KANK1: variants seen among roughly 807,000 people sequenced by gnomAD.
KANK1 encodes KN motif and ankyrin repeat domains 1.
A neutral mutation model predicts 106.2 loss-of-function variants in KANK1; 109 were observed. That is an observed-to-expected ratio of 1.03 (90% CI 0.88 to 1.20). The LOEUF (loss-of-function observed/expected upper bound fraction) is 1.20. KANK1 is among the 50% of genes most tolerant of loss of function. KANK1 has a pLI of 0.00. For missense variants in KANK1, 2,399 were observed against 1,710.7 expected (o/e 1.40, Z -7.10); for synonymous variants, 873 against 652.2 (o/e 1.34, Z -5.16).
At chr9:521,098 A>C (rs2059527903) in intron 1 of KANK1, among the ~76,000 whole-genome samples, 1 of 151,796 alleles carries the variant, frequency 6.6e-6, no homozygotes, top group African/African-American at 2.4e-5. Flanking sequence ...TGATGTTCTT[A>C]CTAGGAAATT....
intron 1 of KANK1, among the ~76,000 whole-genome samples, chr9:602,306 C>T (rs1299248091): frequency 1.3e-5 from 2 of 151,744 alleles, no homozygotes; most frequent in African/African-American, 4.9e-5. Flanking sequence ...TGTTGCCAGG[C>T]TGGTGTGCAG....
intron 3 of KANK1, among the ~76,000 whole-genome samples, chr9:497,430 T>TCA (rs112024846): frequency 0.032 from 4,820 of 150,810 alleles, 104 homozygotes; most frequent in Middle Eastern, 0.065. Context: ...ATGTGACTCT[T>TCA]CACACACACA....
chr9:712,733 G>C lies in KANK1; in HGVS notation c.1967G>C (p.Ser656Thr). 2 of 1,613,974 alleles carry C rather than the reference G, an allele frequency of 1.2e-6. No homozygotes were observed. The highest frequency in any genetic ancestry group is 1.7e-5 in the Admixed American group (1 of 59,986). Residue 656 changes from serine to threonine, a missense_variant, in exon 3 of 12, where the codon AGC (serine) becomes ACC (threonine). Coordinates refer to ENST00000382297, the MANE Select transcript of KANK1 (RefSeq NM_015158.5). ...ASRGVNTEAVSQVEAAVMAVP... is the reference protein window; with the variant it reads ...ASRGVNTEAVTQVEAAVMAVP... ...CGGGGCGTGAACACTGAGGCTGTTA[G>C]CCAGGTGGAAGCTGCCGTCATGGCA...
chr9:641,979 G>A (rs890686251), intron 1 of KANK1, among the ~76,000 whole-genome samples: 8 of 152,198 alleles, frequency 5.3e-5, no homozygotes, highest in Admixed American at 2.6e-4. Flanking sequence ...ATCAAAAGCC[G>A]ATTTCCTCCC....
exon 1 of KANK1, chr9:470,355 G>C (rs1370366666): frequency 6.6e-6 from 1 of 152,586 alleles, no homozygotes; most frequent in African/African-American, 2.4e-5. Context: ...CGAGTGGTTG[G>C]AAATTAGCAA....
intron 1 of KANK1, among the ~76,000 whole-genome samples, chr9:572,600 A>G (rs1357952449): frequency 6.6e-6 from 1 of 152,100 alleles, no homozygotes; most frequent in Non-Finnish European, 1.5e-5. Context: ...TATGTTGCCC[A>G]GGCTGGTCTT....
intron 1 of KANK1, among the ~76,000 whole-genome samples, chr9:621,165 C>T (rs528598727): frequency 1.6e-4 from 25 of 152,218 alleles, no homozygotes; most frequent in African/African-American, 6.0e-4. Flanking sequence ...AAAAATTTTT[C>T]TTTGGGGCCT....
intron 1 of KANK1, among the ~76,000 whole-genome samples, chr9:640,486 C>G (rs1838168681): frequency 6.6e-6 from 1 of 151,874 alleles, no homozygotes; most frequent in South Asian, 2.1e-4. Flanking sequence ...CAACCTCCGC[C>G]TCCCAGGTTC....
At chr9:643,010 C>T (rs1040147738) in intron 1 of KANK1, among the ~76,000 whole-genome samples, 4 of 150,206 alleles carry the variant, frequency 2.7e-5, no homozygotes, top group Admixed American at 6.6e-5. Context: ...TATGGTGGCA[C>T]CTTTTAATAA....
At chr9:555,444 C>G (rs927478696) in intron 1 of KANK1, among the ~76,000 whole-genome samples, 1 of 152,154 alleles carries the variant, frequency 6.6e-6, no homozygotes, top group African/African-American at 2.4e-5. Flanking sequence ...GGCATAGTCA[C>G]TATACTGCTA....
rs148558003 is a variant in KANK1, at chr9:713,381, C to G, written c.2615C>G (p.Ser872Cys). ...LNSQLISTLS[S>C]INSVMKSAST... ...TCTCAGCTCATCAGCACCCTGTCGT[C>G]TATCAACTCTGTCATGAAATCTGCA... The change falls in exon 3 of 12, where the codon TCT (serine) becomes TGT (cysteine). Residue 872 changes from serine to cysteine, a missense_variant. Physicochemically the swap from Ser to Cys is moderately radical, Grantham distance 112 (BLOSUM62 -1). Coordinates refer to ENST00000382297, the MANE Select transcript of KANK1 (RefSeq NM_015158.5). 450 of 1,614,024 alleles carry G rather than the reference C, an allele frequency of 2.8e-4. 3 individuals carry two copies. In the South Asian group the frequency reaches 3.9e-3, roughly 14 times the overall value.
At chr9:575,320 G>T (rs753215213) in intron 1 of KANK1, among the ~76,000 whole-genome samples, 1 of 152,184 alleles carries the variant, frequency 6.6e-6, no homozygotes, top group African/African-American at 2.4e-5. Flanking sequence ...CAGTCACGCA[G>T]TTGGTGACAA....
chr9:535,743 G>T (rs2060269694), intron 1 of KANK1, among the ~76,000 whole-genome samples: 1 of 152,164 alleles, frequency 6.6e-6, no homozygotes, highest in Non-Finnish European at 1.5e-5. Context: ...GATTTCCTGT[G>T]TCCTTGACAG....
intron 1 of KANK1, among the ~76,000 whole-genome samples, chr9:566,506 C>G (rs1019335615): frequency 6.6e-6 from 1 of 152,202 alleles, no homozygotes; most frequent in Non-Finnish European, 1.5e-5. Flanking sequence ...TTCTCTGCAA[C>G]CTCGCCAGCA....
intron 1 of KANK1, among the ~76,000 whole-genome samples, chr9:647,818 C>T (rs1007156103): frequency 1.3e-5 from 2 of 150,380 alleles, no homozygotes; most frequent in Non-Finnish European, 2.9e-5. Context: ...AGCCCGCAAT[C>T]CCAGATCTTC....
chr9:485,869 CAAAAAAAA>C (rs58910749), intron 3 of KANK1, among the ~76,000 whole-genome samples: 17 of 98,292 alleles, frequency 1.7e-4, no homozygotes, highest in East Asian at 2.6e-4. Context: ...AGAATTGTCT[CAAAAAAAA>C]AAAAAAAAAG....
In KANK1 at chr9:601,800, C is replaced by T. The variant is rs183102549; in HGVS notation, c.-83-75090C>T. ...CCTCACATTATGGCATCCCCTGATG[C>T]TCTAGGCTAATCTTGTATTTTCCTT... On this transcript the variant is annotated intron_variant, in intron 1 of 11. Transcript: ENST00000382297. Among the ~76,000 whole-genome samples, 32 of 152,000 alleles carry T rather than the reference C, an allele frequency of 2.1e-4. 1 individual carries two copies. Among genetic ancestry groups the T allele is most frequent in the African/African-American group, 7.0e-4 (29 of 41,254 alleles).
intron 1 of KANK1, among the ~76,000 whole-genome samples, chr9:560,380 C>T (rs1338468276): frequency 2.0e-5 from 3 of 152,100 alleles, no homozygotes; most frequent in Non-Finnish European, 4.4e-5. Context: ...CAATTCACTG[C>T]CTTGCCAGTG....
rs537640571 is a variant in KANK1, at chr9:663,296, T to C, written c.-83-13594T>C. 2.1e-3 allele frequency among the ~76,000 whole-genome samples: 319 copies of C among 152,334 alleles called. 1 individual carries two copies. Among genetic ancestry groups the C allele is most frequent in the Middle Eastern group, 0.02 (6 of 294 alleles). On this transcript the variant is annotated intron_variant, in intron 1 of 11. Transcript: ENST00000382297. Reference sequence around the variant, plus strand: ...TAAATAGGTAAAAGCACTGATGTTTTAGTTGAAACTACCAGCAGTAGGAAT... The same window carrying C: ...TAAATAGGTAAAAGCACTGATGTTTCAGTTGAAACTACCAGCAGTAGGAAT...
Sources: gnomAD v4.1 joint callset for allele counts (sites outside exome capture counted in the v4.1 genomes callset) on GRCh38, gnomAD v4.1.1 for gene constraint, MANE v1.5 for transcripts, NCBI Gene and HGNC (gene_info 2026-07-23, HGNC 2026-07-21) for gene names.